TEKT5: variants seen among roughly 807,000 people sequenced by gnomAD.
TEKT5 encodes tektin 5, also known as tektin-5.
In TEKT5, 52 loss-of-function variants were observed where a neutral mutation model predicts 48.7. The observed-to-expected ratio is 1.07, with a 90% CI of 0.86 to 1.35. The LOEUF is 1.35. TEKT5 is among the 40% of genes most tolerant of loss of function. TEKT5 has a pLI of 0.00. For missense variants in TEKT5, 831 were observed against 641.6 expected (o/e 1.30, Z -3.19); for synonymous variants, 318 against 267.6 (o/e 1.19, Z -1.84).
chr16:10,665,215 G>A (rs939316731), intron 5 of TEKT5, among the ~76,000 whole-genome samples: 1 of 152,142 alleles, frequency 6.6e-6, no homozygotes, highest in Non-Finnish European at 1.5e-5. Context: ...TCATCACTTG[G>A]AAAAAATTAG....
At chr16:10,680,980 G>A (rs1304977456) in intron 4 of TEKT5, among the ~76,000 whole-genome samples, 2 of 148,060 alleles carry the variant, frequency 1.4e-5, no homozygotes, top group Non-Finnish European at 3.0e-5. Context: ...TGCACATTGT[G>A]CACATGTATC....
chr16:10,694,740 C>A lies in TEKT5; in HGVS notation c.134G>T (p.Arg45Leu), dbSNP rs200168785. 44 of 1,614,030 alleles carry A rather than the reference C, an allele frequency of 2.7e-5. No homozygotes were observed. The highest frequency in any genetic ancestry group is 3.3e-4 in the Middle Eastern group (2 of 6,062). Residue 45 changes from arginine to leucine, a missense_variant, in exon 1 of 7, where the codon CGC (arginine) becomes CTC (leucine). Physicochemically the swap from Arg to Leu is moderately radical, Grantham distance 102 (BLOSUM62 -2). Transcript: ENST00000283025. ...GCTAGGCCTCCATGAATTGAGGTAG[C>A]GGTACCCGGGCAGGTAGTAGGGCTG... ...CYQPYYLPGY[R>L]YLNSWRPSLF...
chr16:10,680,485 C>A (rs1404489990), intron 4 of TEKT5, among the ~76,000 whole-genome samples: 11 of 150,186 alleles, frequency 7.3e-5, no homozygotes, highest in African/African-American at 2.7e-4. Flanking sequence ...CAGAAGAAGG[C>A]AGAACTAAGA....
chr16:10,672,801 T>C (rs933768891), intron 5 of TEKT5, among the ~76,000 whole-genome samples: 5 of 152,090 alleles, frequency 3.3e-5, no homozygotes, highest in Non-Finnish European at 7.4e-5. Context: ...CCTTCAGGTG[T>C]TATGCCTGCA....
chr16:10,631,272 AAGAGAGAG>A (rs557009066), intron 6 of TEKT5, among the ~76,000 whole-genome samples: 1 of 128,764 alleles, frequency 7.8e-6, no homozygotes, highest in Non-Finnish European at 1.6e-5. Flanking sequence ...AAAAAAAAAA[AAGAGAGAG>A]AGAGAGAGAG....
At chr16:10,647,418 G>T (rs998101583) in intron 5 of TEKT5, among the ~76,000 whole-genome samples, 2 of 151,226 alleles carry the variant, frequency 1.3e-5, no homozygotes, top group African/African-American at 4.9e-5. Context: ...GCTGCAGTGA[G>T]CTGTGATGAC....
At chr16:10,690,456 T>C (rs1898949554) in intron 1 of TEKT5, 1 of 581,388 alleles carries the variant, frequency 1.7e-6, no homozygotes, top group African/African-American at 2.0e-5. Flanking sequence ...TTGTGTGCAT[T>C]TGGGCAAACT....
chr16:10,633,972 T>C (rs1416114582), intron 6 of TEKT5, among the ~76,000 whole-genome samples: 1 of 152,188 alleles, frequency 6.6e-6, no homozygotes, highest in Non-Finnish European at 1.5e-5. Flanking sequence ...CAACACTTTT[T>C]CTTGATTATC....
chr16:10,671,164 G>A (rs1041904093), intron 5 of TEKT5, among the ~76,000 whole-genome samples: 1 of 152,172 alleles, frequency 6.6e-6, no homozygotes, highest in East Asian at 1.9e-4. Context: ...AAGAGCTCCA[G>A]AGATTACCTC....
At chr16:10,686,156 G>T (rs1185457016) in intron 3 of TEKT5, among the ~76,000 whole-genome samples, 1 of 152,172 alleles carries the variant, frequency 6.6e-6, no homozygotes, top group African/African-American at 2.4e-5. Flanking sequence ...ACAGTCAATT[G>T]ATTTTCAGCA....
intron 5 of TEKT5, among the ~76,000 whole-genome samples, chr16:10,666,489 CA>C (rs1898458296): frequency 6.6e-6 from 1 of 152,228 alleles, no homozygotes; most frequent in Admixed American, 6.5e-5. Flanking sequence ...ATGCCAGCAG[CA>C]CCCCCTCACC....
At chr16:10,660,508 C>T (rs1467552085) in intron 5 of TEKT5, among the ~76,000 whole-genome samples, 1 of 152,274 alleles carries the variant, frequency 6.6e-6, no homozygotes, top group South Asian at 2.1e-4. Flanking sequence ...CTCAGAACCC[C>T]TGACTGCTCT....
intron 6 of TEKT5, among the ~76,000 whole-genome samples, chr16:10,630,464 C>T (rs919341313): frequency 1.9e-4 from 29 of 152,102 alleles, no homozygotes; most frequent in African/African-American, 6.8e-4. Context: ...TGGTCTCAAA[C>T]TCCTGGGCTT....
intron 5 of TEKT5, 114 bp downstream of exon 5, chr16:10,675,845 G>C (rs1898634702): frequency 1.0e-6 from 1 of 1,001,514 alleles, no homozygotes; most frequent in Non-Finnish European, 1.5e-6. Flanking sequence ...TGGGAGAGAG[G>C]GTACTGCTTT....
At chr16:10,662,268 G>A (rs1049437115) in intron 5 of TEKT5, among the ~76,000 whole-genome samples, 2 of 152,134 alleles carry the variant, frequency 1.3e-5, no homozygotes, top group East Asian at 3.8e-4. Context: ...GGGGAAATGG[G>A]GGCAAAATCA....
intron 5 of TEKT5, among the ~76,000 whole-genome samples, chr16:10,670,405 G>C (rs1487896498): frequency 6.6e-6 from 1 of 152,068 alleles, no homozygotes; most frequent in African/African-American, 2.4e-5. Flanking sequence ...CAGCTGCCCA[G>C]CTACTCAGGA....
At chr16:10,639,823 C>G (rs1230270969) in intron 5 of TEKT5, among the ~76,000 whole-genome samples, 1 of 152,198 alleles carries the variant, frequency 6.6e-6, no homozygotes, top group African/African-American at 2.4e-5. Context: ...GTGTGAGCCA[C>G]TCCTGGGGAG....
chr16:10,669,796 G>A (rs1898523185), intron 5 of TEKT5, among the ~76,000 whole-genome samples: 1 of 152,092 alleles, frequency 6.6e-6, no homozygotes. Context: ...ATGAGGGGTT[G>A]TTTTTCTGGA....
chr16:10,635,715 TC>T (rs1897902023), intron 6 of TEKT5, 48 bp downstream of exon 6: 3 of 1,586,666 alleles, frequency 1.9e-6, no homozygotes, highest in Non-Finnish European at 2.6e-6. Context: ...CCCTTCCCGT[TC>T]CTGGATTCCC....
Sources: gnomAD v4.1 joint callset for allele counts (sites outside exome capture counted in the v4.1 genomes callset) on GRCh38, gnomAD v4.1.1 for gene constraint, MANE v1.5 for transcripts, NCBI Gene and HGNC (gene_info 2026-07-23, HGNC 2026-07-21) for gene names.